The following SLC25A48 variants were observed in gnomAD, a reference collection of about 807,000 sequenced individuals.
The protein encoded by SLC25A48 is CTC-321K16.1.
SLC25A48 carries 29 observed loss-of-function variants against 32.2 expected under a neutral mutation model. The ratio of observed to expected loss-of-function variants is 0.90; its 90% CI spans 0.67 to 1.23. The LOEUF (loss-of-function observed/expected upper bound fraction) is 1.23, where lower values mean the gene tolerates loss of function less well. SLC25A48 is among the 50% of genes most tolerant of loss of function. SLC25A48 has a pLI of 0.00. For missense variants in SLC25A48, 399 were observed against 422.7 expected, an observed-to-expected ratio of 0.94 and a Z score of 0.49; for synonymous variants, 164 against 172.3, an observed-to-expected ratio of 0.95 and a Z score of 0.38.
chr5:135,880,207 A>G (rs1762366242), intron 7 of SLC25A48, 110 bp downstream of exon 7: 4 of 1,413,334 alleles, frequency 2.8e-6, no homozygotes, highest in South Asian at 3.0e-5. Flanking sequence ...TGTTTGTCAC[A>G]TATCTAATCT....
intron 3 of SLC25A48, among the ~76,000 whole-genome samples, chr5:135,717,358 T>G (rs1381136025): frequency 6.6e-6 from 1 of 152,162 alleles, no homozygotes; most frequent in Non-Finnish European, 1.5e-5. Context: ...CTTGAAGGTA[T>G]CACTCCAGGC....
intron 3 of SLC25A48, among the ~76,000 whole-genome samples, chr5:135,673,136 G>A (rs1432206408): frequency 6.6e-6 from 1 of 152,078 alleles, no homozygotes; most frequent in Non-Finnish European, 1.5e-5. Flanking sequence ...CTGTTTATGG[G>A]CATTTGGGTT....
chr5:135,835,189 G>C (rs1207639879), intron 1 of SLC25A48: 1 of 622,840 alleles, frequency 1.6e-6, no homozygotes, highest in African/African-American at 1.8e-5. Context: ...ACAGCCAATG[G>C]AGGCTCCTGG....
At position 135,601,865 on chromosome 5, in the gene SLC25A48, C is replaced by A. The variant is rs186003124; in HGVS notation, c.-849+22268C>A. ...GAATCCAGCAGTGTGCTCCCTTGCT[C>A]AGTGACCCCGGGTGGTCACTTAATG... On this transcript the variant is annotated intron_variant, in intron 1 of 10. Transcript: ENST00000646290. 3.4e-3 allele frequency among the ~76,000 whole-genome samples: 519 copies of A among 152,354 alleles called. 5 individuals are homozygous for A. Among genetic ancestry groups the A allele is most frequent in the Non-Finnish European group, 5.0e-3 (338 of 68,036 alleles).
At chr5:135,604,363 CT>C (rs1751880201) in intron 1 of SLC25A48, among the ~76,000 whole-genome samples, 1 of 152,246 alleles carries the variant, frequency 6.6e-6, no homozygotes, top group Admixed American at 6.5e-5. Flanking sequence ...CACAGACATC[CT>C]GTCGGGCAGG....
intron 1 of SLC25A48, among the ~76,000 whole-genome samples, chr5:135,624,933 T>C (rs114632256): frequency 0.017 from 2,665 of 152,332 alleles, 77 homozygotes; most frequent in African/African-American, 0.061. Context: ...CTTCTCTGTA[T>C]GTGAACTGAG....
At chr5:135,580,893 C>A (rs1258812280) in intron 1 of SLC25A48, among the ~76,000 whole-genome samples, 1 of 152,094 alleles carries the variant, frequency 6.6e-6, no homozygotes, top group Non-Finnish European at 1.5e-5. Flanking sequence ...TTGTGAACAT[C>A]GCTCCATGTG....
intron 3 of SLC25A48, among the ~76,000 whole-genome samples, chr5:135,696,192 G>C (rs1267267650): frequency 6.6e-6 from 1 of 152,240 alleles, no homozygotes; most frequent in African/African-American, 2.4e-5. Context: ...ATGCATTGCA[G>C]CAAGACCACC....
At chr5:135,801,072 T>A (rs1757310282) in intron 3 of SLC25A48, among the ~76,000 whole-genome samples, 1 of 151,344 alleles carries the variant, frequency 6.6e-6, no homozygotes, top group African/African-American at 2.4e-5. Flanking sequence ...ACTCCCAATA[T>A]CTCAGGGGTT....
chr5:135,600,416 C>T lies in SLC25A48; in HGVS notation c.-849+20819C>T, dbSNP rs1213797355. Among the ~76,000 whole-genome samples the T allele has an allele frequency of 2.6e-5, 4 of 152,170 alleles. No individual in the cohort carries two copies. In the East Asian group the frequency reaches 7.7e-4, roughly 29 times the overall value. On this transcript the variant is annotated intron_variant, in intron 1 of 10. Transcript: ENST00000646290. ...TCCTTTGAGGGGGTGTACCCTGGGA[C>T]CCAGCTGGACTTTTCCACCGAATGG...
At chr5:135,587,660 A>G (rs971635536) in intron 1 of SLC25A48, among the ~76,000 whole-genome samples, 1 of 152,194 alleles carries the variant, frequency 6.6e-6, no homozygotes, top group African/African-American at 2.4e-5. Context: ...TCTTCTATGA[A>G]GAAAACTTTT....
intron 3 of SLC25A48, among the ~76,000 whole-genome samples, chr5:135,707,409 C>T (rs960118832): frequency 1.1e-4 from 16 of 152,212 alleles, no homozygotes; most frequent in African/African-American, 3.9e-4. Flanking sequence ...CTGCAAGCGC[C>T]TTTGTGATCT....
chr5:135,829,843 G>T (rs1413283958), upstream of SLC25A48, among the ~76,000 whole-genome samples: 1 of 152,070 alleles, frequency 6.6e-6, no homozygotes, highest in African/African-American at 2.4e-5. Context: ...TGGCTTTAGA[G>T]AAACTGCTTG....
intron 3 of SLC25A48, among the ~76,000 whole-genome samples, chr5:135,697,163 A>G (rs900860006): frequency 1.6e-4 from 24 of 152,240 alleles, no homozygotes; most frequent in African/African-American, 5.1e-4. Flanking sequence ...TGAGTTAGAA[A>G]TGATGCTGGA....
intron 7 of SLC25A48, among the ~76,000 whole-genome samples, chr5:135,885,581 A>G (rs969336358): frequency 1.2e-4 from 18 of 151,974 alleles, no homozygotes; most frequent in African/African-American, 4.1e-4. Flanking sequence ...TCCCTGTGCT[A>G]CAGTCATGTC....
chr5:135,791,826 G>T (rs1366587747), intron 3 of SLC25A48, among the ~76,000 whole-genome samples: 6 of 151,612 alleles, frequency 4.0e-5, no homozygotes, highest in African/African-American at 1.2e-4. Context: ...GCCACAGGGG[G>T]TGTGCACCTT....
chr5:135,645,771 T>C (rs1752944091), intron 3 of SLC25A48, among the ~76,000 whole-genome samples: 2 of 152,178 alleles, frequency 1.3e-5, no homozygotes, highest in African/African-American at 4.8e-5. Flanking sequence ...CAGGAAAGCA[T>C]AGATACCCAA....
intron 1 of SLC25A48, among the ~76,000 whole-genome samples, chr5:135,841,458 G>A (rs755653843): frequency 1.3e-5 from 2 of 152,078 alleles, no homozygotes; most frequent in Non-Finnish European, 2.9e-5. Context: ...AGCTCCTACT[G>A]GGCTCTTCAG....
intron 4 of SLC25A48, among the ~76,000 whole-genome samples, chr5:135,816,079 GGA>G (rs537332790): frequency 6.6e-6 from 1 of 152,072 alleles, no homozygotes; most frequent in Admixed American, 6.6e-5. Context: ...CATGGTGGCA[GGA>G]GAGAGAGAGC....
Sources: allele counts gnomAD v4.1 joint callset (sites outside exome capture counted in the v4.1 genomes callset), GRCh38; gene constraint gnomAD v4.1.1; transcripts MANE v1.5; gene names NCBI Gene and HGNC (gene_info 2026-07-23, HGNC 2026-07-21).